Variants in CNTNAP5 observed in about 807,000 individuals in gnomAD.
The protein encoded by CNTNAP5 is contactin-associated protein-like 5.
CNTNAP5 carries 72 observed loss-of-function variants against 150.2 expected under a neutral mutation model. The ratio of observed to expected loss-of-function variants is 0.48; its 90% CI spans 0.40 to 0.58. CNTNAP5 has a LOEUF of 0.58. CNTNAP5 is among the 20% of genes least tolerant of loss of function. The pLI, the probability that CNTNAP5 is intolerant of heterozygous loss-of-function variation, is 0.00. For missense variants in CNTNAP5, 1,636 were observed against 1,626.2 expected (o/e 1.01, Z -0.10); for synonymous variants, 672 against 619.8 (o/e 1.08, Z -1.25).
At chr2:124,801,893 C>A (rs991679425) in intron 19 of CNTNAP5, among the ~76,000 whole-genome samples, 7 of 152,032 alleles carry the variant, frequency 4.6e-5, no homozygotes, top group Admixed American at 4.6e-4. Flanking sequence ...GCAAAAAGAT[C>A]AGAAAACCAC....
chr2:124,497,814 C>T (rs1303484358), intron 7 of CNTNAP5, among the ~76,000 whole-genome samples: 1 of 152,170 alleles, frequency 6.6e-6, no homozygotes, highest in Non-Finnish European at 1.5e-5. Context: ...TATACAATCA[C>T]ATTCAGACCA....
intron 7 of CNTNAP5, among the ~76,000 whole-genome samples, chr2:124,478,603 G>A (rs1693696021): frequency 6.6e-6 from 1 of 152,180 alleles, no homozygotes; most frequent in Non-Finnish European, 1.5e-5. Context: ...GGTTTGCACT[G>A]TTAAATACCG....
chr2:124,047,310 T>C (rs1681563829), intron 1 of CNTNAP5, among the ~76,000 whole-genome samples: 1 of 152,242 alleles, frequency 6.6e-6, no homozygotes, highest in African/African-American at 2.4e-5. Context: ...GGACTTACAG[T>C]CTTCAAGTCA....
intron 19 of CNTNAP5, among the ~76,000 whole-genome samples, chr2:124,860,148 G>A (rs1456212324): frequency 3.5e-4 from 49 of 141,770 alleles, no homozygotes; most frequent in Admixed American, 3.1e-3. Flanking sequence ...TCAGGAGATC[G>A]AGACCATCCT....
At chr2:124,554,669 G>A (rs1695711120) in intron 10 of CNTNAP5, among the ~76,000 whole-genome samples, 1 of 152,050 alleles carries the variant, frequency 6.6e-6, no homozygotes, top group African/African-American at 2.4e-5. Context: ...CAATCCTCCT[G>A]CCTCGGCCTC....
chr2:124,148,961 CAAAT>C (rs1558775549), intron 1 of CNTNAP5, among the ~76,000 whole-genome samples: 1 of 151,910 alleles, frequency 6.6e-6, no homozygotes, highest in Non-Finnish European at 1.5e-5. Flanking sequence ...CACACACACT[CAAAT>C]ATATATACAT....
intron 4 of CNTNAP5, among the ~76,000 whole-genome samples, chr2:124,423,046 T>C (rs1425230234): frequency 1.3e-5 from 2 of 152,210 alleles, no homozygotes; most frequent in African/African-American, 4.8e-5. Flanking sequence ...TCTGAAAACT[T>C]GAGAAGTCAG....
intron 1 of CNTNAP5, among the ~76,000 whole-genome samples, chr2:124,194,768 A>G (rs1332544473): frequency 6.6e-6 from 1 of 151,432 alleles, no homozygotes; most frequent in Non-Finnish European, 1.5e-5. Flanking sequence ...TAGTAACAAT[A>G]TATAATACAA....
chr2:124,200,840 T>A (rs1259277385), intron 1 of CNTNAP5, among the ~76,000 whole-genome samples: 1 of 152,176 alleles, frequency 6.6e-6, no homozygotes, highest in Non-Finnish European at 1.5e-5. Context: ...ACCCAAATAC[T>A]GACTGAAACC....
chr2:124,260,348 C>T lies in CNTNAP5; in HGVS notation c.381+17955C>T, dbSNP rs567290343. Among the ~76,000 whole-genome samples the T allele has an allele frequency of 2.4e-3, 358 of 152,272 alleles. 4 individuals are homozygous for T. Among genetic ancestry groups the T allele is most frequent in the African/African-American group, 8.2e-3 (342 of 41,564 alleles). Reference sequence around the variant, plus strand: ...GCTGAAACTGGATCCCTTCCTTACACCTTACACAAAAATTAATTCAAGATG... The same window carrying T: ...GCTGAAACTGGATCCCTTCCTTACATCTTACACAAAAATTAATTCAAGATG... On this transcript the variant is annotated intron_variant, in intron 3 of 23. Coordinates refer to ENST00000682447, the MANE Select transcript of CNTNAP5 (RefSeq NM_001367498.1).
At position 124,897,834 on chromosome 2, in the gene CNTNAP5, G is replaced by C. The variant is rs137911349; in HGVS notation, c.3437-5048G>C. On this transcript the variant is annotated intron_variant, in intron 21 of 23. Coordinates refer to ENST00000682447, the MANE Select transcript of CNTNAP5 (RefSeq NM_001367498.1). ...GTTTTGTCTTTCCAAACTGGAAGTT[G>C]TGTATAATTGTCTCACTTTCTCACT... 9.1e-4 allele frequency among the ~76,000 whole-genome samples: 138 copies of C among 151,464 alleles called. 3 individuals are homozygous for C. The highest frequency in any genetic ancestry group is 3.2e-3 in the African/African-American group (129 of 40,894).
At chr2:124,538,621 G>C (rs1695303112) in intron 10 of CNTNAP5, among the ~76,000 whole-genome samples, 1 of 145,906 alleles carries the variant, frequency 6.9e-6, no homozygotes. Context: ...AAGGAAGAAA[G>C]GAAAAATGAA....
chr2:124,472,279 C>G (rs1409596750), intron 6 of CNTNAP5, among the ~76,000 whole-genome samples: 1 of 151,976 alleles, frequency 6.6e-6, no homozygotes, highest in Non-Finnish European at 1.5e-5. Context: ...ACTAAGCATT[C>G]ATTCTTATTT....
intron 1 of CNTNAP5, among the ~76,000 whole-genome samples, chr2:124,049,754 C>G (rs908564193): frequency 2.0e-5 from 3 of 152,228 alleles, no homozygotes; most frequent in Non-Finnish European, 2.9e-5. Context: ...AATAAAATAC[C>G]ATAGCCTAGG....
chr2:124,353,286 C>CAAAAAAAAAAAAA (rs565907115), intron 3 of CNTNAP5, among the ~76,000 whole-genome samples: 5 of 88,262 alleles, frequency 5.7e-5, no homozygotes, highest in Non-Finnish European at 1.1e-4. Flanking sequence ...AAAAACAGAC[C>CAAAAAAAAAAAAA]AAAAAAAAAA....
chr2:124,664,154 C>A, intron 13 of CNTNAP5, among the ~76,000 whole-genome samples: 1 of 151,850 alleles, frequency 6.6e-6, no homozygotes, highest in East Asian at 1.9e-4. Context: ...AATTGGAATT[C>A]TCATATGAGA....
At chr2:124,672,181 A>C (rs947194701) in intron 13 of CNTNAP5, among the ~76,000 whole-genome samples, 1 of 152,152 alleles carries the variant, frequency 6.6e-6, no homozygotes, top group African/African-American at 2.4e-5. Context: ...GTGTCTTCAC[A>C]TGACCTACCC....
intron 1 of CNTNAP5, among the ~76,000 whole-genome samples, chr2:124,213,938 A>T (rs767158493): frequency 2.0e-5 from 3 of 152,196 alleles, no homozygotes; most frequent in Non-Finnish European, 2.9e-5. Flanking sequence ...CTATATTCCT[A>T]CAAAATTGTC....
At chr2:124,663,314 G>C (rs970386455) in intron 13 of CNTNAP5, among the ~76,000 whole-genome samples, 1 of 152,150 alleles carries the variant, frequency 6.6e-6, no homozygotes, top group Non-Finnish European at 1.5e-5. Context: ...ATTTTAGCTA[G>C]TAAACTAGTA....
Sources: allele counts gnomAD v4.1 joint callset (sites outside exome capture counted in the v4.1 genomes callset), GRCh38; gene constraint gnomAD v4.1.1; transcripts MANE v1.5; gene names NCBI Gene and HGNC (gene_info 2026-07-23, HGNC 2026-07-21).